Variants in INCA1 observed in about 807,000 individuals in gnomAD.
INCA1 encodes inhibitor of CDK, cyclin A1 interacting protein 1, also known as protein INCA1.
Under a neutral mutation model 25.7 loss-of-function variants are expected in INCA1, and 28 were observed. The ratio of observed to expected loss-of-function variants is 1.09; its 90% CI spans 0.81 to 1.49. The LOEUF is 1.49. Ranked by LOEUF, INCA1 falls within the 40% of genes most tolerant of loss-of-function variation. The pLI, the probability that INCA1 is intolerant of heterozygous loss-of-function variation, is 0.00. For missense variants in INCA1, 309 were observed against 290.9 expected (o/e 1.06, Z -0.45); for synonymous variants, 111 against 103.6 (o/e 1.07, Z -0.43).
chr17:4,996,624 G>A (rs1597827787), intron 1 of INCA1, among the ~76,000 whole-genome samples: 2 of 140,740 alleles, frequency 1.4e-5, no homozygotes, highest in African/African-American at 2.7e-5. Context: ...GGAGGTTGCC[G>A]TGAGCCGAGG....
intron 1 of INCA1, chr17:4,996,890 A>C (rs1203620163): frequency 6.5e-6 from 1 of 152,880 alleles, no homozygotes; most frequent in Non-Finnish European, 1.5e-5. Context: ...GAAAGGGCCT[A>C]AAGTGGGGTC....
chr17:4,988,917 A>G, exon 6 of INCA1: 2 of 1,614,116 alleles, frequency 1.2e-6, no homozygotes, highest in Non-Finnish European at 1.7e-6. Context: ...ATGCAGCCCC[A>G]GAGCTGCCCC....
chr17:4,989,759 G>A (rs1973709630), intron 4 of INCA1, 131 bp downstream of exon 4: 1 of 1,552,850 alleles, frequency 6.4e-7, no homozygotes, highest in Admixed American at 1.7e-5. Flanking sequence ...CTGATTCATA[G>A]AAAGGAAGGC....
At chr17:4,994,458 T>TTAGTCTCCTTTTTGGTGC in exon 2 of INCA1, 1 of 1,613,218 alleles carries the variant, frequency 6.2e-7, no homozygotes, top group Non-Finnish European at 8.5e-7. Flanking sequence ...GGCTGGGTAG[T>TTAGTCTCCTTTTTGGTGC]TAGTCTCCTT....
intron 2 of INCA1, among the ~76,000 whole-genome samples, chr17:4,991,547 A>G (rs9901006): frequency 0.083 from 12,575 of 152,196 alleles, 797 homozygotes; most frequent in East Asian, 0.26. Context: ...CTGAATGATG[A>G]TTGCCCTCCT....
intron 6 of INCA1, 21 bp downstream of exon 6, chr17:4,988,758 C>T (rs1597798170): frequency 6.2e-7 from 1 of 1,613,884 alleles, no homozygotes; most frequent in Middle Eastern, 1.7e-4. Flanking sequence ...CTCACTCCAC[C>T]CAGTTCCACT....
At chr17:4,993,677 C>T (rs1460554329) in intron 2 of INCA1, among the ~76,000 whole-genome samples, 1 of 151,808 alleles carries the variant, frequency 6.6e-6, no homozygotes, top group Non-Finnish European at 1.5e-5. Flanking sequence ...ACTTTGTTAG[C>T]CAGGATGGTC....
exon 3 of INCA1, chr17:4,990,161 T>C (rs764845854): frequency 6.2e-7 from 1 of 1,614,164 alleles, no homozygotes; most frequent in South Asian, 1.1e-5. Context: ...CGTGGGCCTT[T>C]GATTAAGGTT....
intron 5 of INCA1, among the ~76,000 whole-genome samples, 180 bp from the exon 6 acceptor site, chr17:4,989,124 C>T (rs1277421609): frequency 6.6e-6 from 1 of 152,202 alleles, no homozygotes; most frequent in Non-Finnish European, 1.5e-5. Flanking sequence ...GTCTAGGAAC[C>T]CAGAGGTGAC....
intron 2 of INCA1, 21 bp from the exon 3 acceptor site, chr17:4,990,286 G>T (rs780002098): frequency 6.2e-7 from 1 of 1,603,276 alleles, no homozygotes; most frequent in South Asian, 1.1e-5. Flanking sequence ...GACAAGGTAG[G>T]CTCGGGTCTG....
chr17:4,994,511 G>A, intron 1 of INCA1, 36 bp from the exon 2 acceptor site: 1 of 1,538,304 alleles, frequency 6.5e-7, no homozygotes, highest in South Asian at 1.1e-5. Context: ...ATTCATTCGG[G>A]CTGGATGTGG....
At chr17:4,990,610 G>A (rs973130411) in intron 2 of INCA1, among the ~76,000 whole-genome samples, 23 of 152,062 alleles carry the variant, frequency 1.5e-4, no homozygotes, top group African/African-American at 5.6e-4. Context: ...GGCCGGGCGT[G>A]GTGGCTCATG....
At chr17:4,996,523 A>C (rs1051116594) in intron 1 of INCA1, among the ~76,000 whole-genome samples, 12 of 151,798 alleles carry the variant, frequency 7.9e-5, no homozygotes, top group African/African-American at 1.9e-4. Flanking sequence ...CTCTACTAAA[A>C]ATACAAAAAT....
intron 1 of INCA1, among the ~76,000 whole-genome samples, chr17:4,995,292 AAAAGAT>A (rs1974159821): frequency 1.3e-5 from 2 of 152,244 alleles, no homozygotes; most frequent in Admixed American, 1.3e-4. Context: ...GGATGTGGTA[AAAAGAT>A]AAAGGAGAAA....
At chr17:4,988,502 C>G (rs1193821088) in exon 7 of INCA1, 1 of 1,614,076 alleles carries the variant, frequency 6.2e-7, no homozygotes, top group East Asian at 2.2e-5. Flanking sequence ...GTGCAGCTGC[C>G]TGGAGGCACA....
At chr17:4,996,877 G>C (rs1183024729) in intron 1 of INCA1, 1 of 152,834 alleles carries the variant, frequency 6.5e-6, no homozygotes, top group African/African-American at 2.4e-5. Context: ...TTGGAGTTGG[G>C]CTGAAAGGGC....
chr17:4,989,040 G>T, intron 5 of INCA1, 96 bp from the exon 6 acceptor site: 1 of 1,304,878 alleles, frequency 7.7e-7, no homozygotes, highest in Non-Finnish European at 1.0e-6. Context: ...TTCCTGCTGG[G>T]ACTCCAGGGA....
chr17:4,994,463 C>T (rs1164824643), exon 2 of INCA1: 2 of 1,613,074 alleles, frequency 1.2e-6, no homozygotes, highest in East Asian at 2.2e-5. Flanking sequence ...GGTAGTTAGT[C>T]TCCTTTTTGG....
At position 4,995,011 on chromosome 17, in the gene INCA1, G is replaced by A. The variant is rs548644949; in HGVS notation, c.-38-536C>T. 2.6e-5 allele frequency among the ~76,000 whole-genome samples: 4 copies of A among 152,142 alleles called. No individual in the cohort carries two copies. In the South Asian group the frequency reaches 6.2e-4, roughly 24 times the overall value. On this transcript the variant is annotated intron_variant, in intron 1 of 6. Coordinates refer to ENST00000576820, the Ensembl canonical transcript of INCA1. ...ACCTGAGGTTGGGAGTTCGAGACCAGTCTGACCAACATGGAGAAACCCCGT... is the reference window on the plus strand; with the variant it reads ...ACCTGAGGTTGGGAGTTCGAGACCAATCTGACCAACATGGAGAAACCCCGT...
Sources: allele counts gnomAD v4.1 joint callset (sites outside exome capture counted in the v4.1 genomes callset), GRCh38; gene constraint gnomAD v4.1.1; transcripts MANE v1.5; gene names NCBI Gene and HGNC (gene_info 2026-07-23, HGNC 2026-07-21).